Variants in RBBP8NL observed in about 807,000 individuals in gnomAD.
The protein encoded by RBBP8NL is RBBP8 N-terminal-like protein.
RBBP8NL carries 59 observed loss-of-function variants against 62.2 expected under a neutral mutation model. The ratio of observed to expected loss-of-function variants is 0.95; its 90% CI spans 0.77 to 1.18. The LOEUF (loss-of-function observed/expected upper bound fraction) is 1.18. Among genes scored for constraint, RBBP8NL ranks in the 50% most tolerant of loss-of-function variants. The pLI, the probability that RBBP8NL is intolerant of heterozygous loss-of-function variation, is 0.00. For synonymous variants in RBBP8NL, 412 were observed against 394.1 expected (o/e 1.05, Z -0.54); for missense variants, 896 against 899.5 (o/e 1.00, Z 0.05).
At position 62,418,468 on chromosome 20, in the gene RBBP8NL, G is replaced by A. The variant is rs80077607; in HGVS notation, c.62-3C>T. ...TTCCAGAAGCTTGTTCTGCAGGCCT[G>A]GGGGAGCAAGCAGAGGGGCGGGGGG... is the stretch of plus-strand genomic sequence containing the variant. On this transcript the variant is annotated splice_region_variant and splice_polypyrimidine_tract_variant and intron_variant, in intron 2 of 13. Coordinates refer to ENST00000252998, the MANE Select transcript of RBBP8NL (RefSeq NM_080833.3). The A allele has an allele frequency of 5.5e-3, 8,457 of 1,550,036 alleles. 333 individuals carry two copies. The African/African-American group carries it at 0.092, about 17-fold the overall frequency.
At chr20:62,425,785 T>C (rs1569028842) in intron 1 of RBBP8NL, among the ~76,000 whole-genome samples, 1 of 152,232 alleles carries the variant, frequency 6.6e-6, no homozygotes, top group African/African-American at 2.4e-5. Flanking sequence ...AGCTGGACAC[T>C]GGTACCCTCC....
rs368852555 is a variant in RBBP8NL, at chr20:62,419,525, G to A, written c.61+62C>T. On this transcript the variant is annotated intron_variant, in intron 2 of 13. Transcript: ENST00000252998. ...TCATGGGTGCACAGTGGCCTGCTCC[G>A]ACCCTTAGGTGAGGGCTGTGGAGAC... 229 of 1,557,462 alleles carry A rather than the reference G, an allele frequency of 1.5e-4. No homozygotes were observed. The African/African-American group carries it at 1.7e-3, about 12-fold the overall frequency.
Position 62,415,921 on chromosome 20 carries a change from C to T in RBBP8NL, c.411G>A (p.Lys137=). ...GTGAGGGGGGGTCCGAGGTGCCCTC[C>T]TTGGCCCGGGGCTTGGGCCTGTCTC... ...GLGDRPKPRA[K]EGTSDPPSPL... Residue 137 remains lysine (K), a synonymous_variant, in exon 7 of 14, where the codon AAG becomes AAA. Transcript: ENST00000252998. 6.4e-7 allele frequency: 1 copy of T among 1,562,166 alleles called. No homozygotes were observed. Among genetic ancestry groups the T allele is most frequent in the Non-Finnish European group, 8.7e-7 (1 of 1,156,048 alleles).
At chr20:62,415,415 C>G (rs1988539825) in intron 8 of RBBP8NL, 128 bp from the exon 9 acceptor site, 1 of 1,374,862 alleles carries the variant, frequency 7.3e-7, no homozygotes, top group Non-Finnish European at 9.9e-7. Flanking sequence ...GCTGCACCCC[C>G]ACCCACGCCA....
rs375581983 is a variant in RBBP8NL, at chr20:62,423,690, G to C, written c.-84+3770C>G. On this transcript the variant is annotated intron_variant, in intron 1 of 13. Transcript: ENST00000252998. Reference sequence around the variant, plus strand: ...GAAGTCACTGTGGTGCAGAGGCTGGGACGGAGCCTCTGCTGTGCCTCCCAC... The same window carrying C: ...GAAGTCACTGTGGTGCAGAGGCTGGCACGGAGCCTCTGCTGTGCCTCCCAC... Among the ~76,000 whole-genome samples, 176 of 152,328 alleles carry C rather than the reference G, an allele frequency of 1.2e-3. 7 individuals are homozygous for C. The South Asian group carries it at 0.035, about 30-fold the overall frequency.
At chr20:62,413,770 G>C (rs771490168) in intron 10 of RBBP8NL, 51 bp downstream of exon 10, 12 of 1,527,454 alleles carry the variant, frequency 7.9e-6, no homozygotes, top group East Asian at 2.3e-5. Context: ...GGCCCGGGGT[G>C]GGGGACGTGG....
At chr20:62,420,975 G>T (rs1988684497) in intron 1 of RBBP8NL, among the ~76,000 whole-genome samples, 1 of 152,252 alleles carries the variant, frequency 6.6e-6, no homozygotes, top group South Asian at 2.1e-4. Context: ...ATTCCCAGTG[G>T]CCTGGAGAGC....
chr20:62,418,605 C>G, intron 2 of RBBP8NL, 140 bp from the exon 3 acceptor site: 2 of 867,102 alleles, frequency 2.3e-6, no homozygotes, highest in Admixed American at 4.1e-5. Flanking sequence ...CCAGGTGAGC[C>G]CCTGTCTGTG....
intron 1 of RBBP8NL, among the ~76,000 whole-genome samples, chr20:62,422,257 G>C (rs1988716684): frequency 1.3e-5 from 2 of 152,146 alleles, no homozygotes; most frequent in African/African-American, 4.8e-5. Flanking sequence ...GCCCACGTGA[G>C]GGTCCTGTGT....
intron 1 of RBBP8NL, among the ~76,000 whole-genome samples, chr20:62,424,869 A>G (rs1050734589): frequency 3.3e-5 from 5 of 152,108 alleles, no homozygotes; most frequent in African/African-American, 1.2e-4. Flanking sequence ...TCAGAGCCCC[A>G]GCAGAGAGGG....
At chr20:62,423,654 TC>T (rs1265216862) in intron 1 of RBBP8NL, among the ~76,000 whole-genome samples, 1 of 152,184 alleles carries the variant, frequency 6.6e-6, no homozygotes, top group Non-Finnish European at 1.5e-5. Context: ...GAGGTGGGCT[TC>T]CTTCCCAGTG....
intron 13 of RBBP8NL, 123 bp downstream of exon 13, chr20:62,412,501 T>C (rs1195012601): frequency 2.3e-6 from 3 of 1,327,608 alleles, no homozygotes. Context: ...AGGTTCATTT[T>C]TGGCTCCATC....
At chr20:62,421,474 C>T (rs1399218691) in intron 1 of RBBP8NL, among the ~76,000 whole-genome samples, 1 of 138,308 alleles carries the variant, frequency 7.2e-6, no homozygotes, top group Non-Finnish European at 1.5e-5. Context: ...TGTGTGCATG[C>T]CCAAGTCAGT....
chr20:62,415,427 A>G (rs942806436), intron 8 of RBBP8NL, 140 bp from the exon 9 acceptor site: 3 of 1,367,960 alleles, frequency 2.2e-6, no homozygotes, highest in Non-Finnish European at 3.0e-6. Flanking sequence ...CCCACGCCAA[A>G]TGGAGCGCAG....
At chr20:62,427,233 C>T (rs1247031623) in intron 1 of RBBP8NL, among the ~76,000 whole-genome samples, 3 of 152,234 alleles carry the variant, frequency 2.0e-5, no homozygotes, top group Admixed American at 6.5e-5. Context: ...CTCTTTGCAC[C>T]CAGCTCCTGC....
intron 1 of RBBP8NL, among the ~76,000 whole-genome samples, chr20:62,424,698 T>G (rs909572391): frequency 6.6e-6 from 1 of 152,144 alleles, no homozygotes; most frequent in East Asian, 1.9e-4. Flanking sequence ...GGACATGCAC[T>G]GTGGGCCCTG....
chr20:62,413,131 G>A (rs1222699879), intron 11 of RBBP8NL, among the ~76,000 whole-genome samples: 1 of 152,266 alleles, frequency 6.6e-6, no homozygotes, highest in African/African-American at 2.4e-5. Context: ...CTGCATGATG[G>A]GGCACTCACA....
rs1334431383 is a variant in RBBP8NL, at chr20:62,412,644, G to A, written c.1856C>T (p.Ala619Val). The change falls in exon 13 of 14, where the codon GCC (alanine) becomes GTC (valine). Residue 619 changes from alanine to valine, a missense_variant. Transcript: ENST00000252998. ...TGTACCTTTGTCCCCAGGCTCCGAG[G>A]CCCGCTTCCTCTTCCGTGGTGGACC... Reference protein sequence around the residue: ...GQGPPRKRKRASEPGDKASKK... With the variant: ...GQGPPRKRKRVSEPGDKASKK... 1.9e-6 allele frequency: 3 copies of A among 1,605,954 alleles called. No individual in the cohort carries two copies. The highest frequency in any genetic ancestry group is 2.5e-6 in the Non-Finnish European group (3 of 1,179,876).
chr20:62,421,095 G>C (rs1033657665), intron 1 of RBBP8NL, among the ~76,000 whole-genome samples: 1 of 152,272 alleles, frequency 6.6e-6, no homozygotes, highest in Non-Finnish European at 1.5e-5. Context: ...CTGGGAGGTT[G>C]GGATACCGGT....
Sources: gnomAD v4.1 joint callset for allele counts (sites outside exome capture counted in the v4.1 genomes callset) on GRCh38, gnomAD v4.1.1 for gene constraint, MANE v1.5 for transcripts, NCBI Gene and HGNC (gene_info 2026-07-23, HGNC 2026-07-21) for gene names.